PRDM5: variants seen among roughly 807,000 people sequenced by gnomAD.
PRDM5 encodes PR/SET domain 5.
In PRDM5, 56 loss-of-function variants were observed where a neutral mutation model predicts 81.2. That is an observed-to-expected ratio of 0.69 (90% confidence interval 0.56 to 0.86). PRDM5 has a LOEUF of 0.86. Ranked by LOEUF, PRDM5 falls within the 40% of genes least tolerant of loss-of-function variation. The pLI is 0.00. For missense variants in PRDM5, 697 were observed against 770.1 expected, an observed-to-expected ratio of 0.91 and a Z score of 1.12; for synonymous variants, 267 against 256.4, an observed-to-expected ratio of 1.04 and a Z score of -0.39.
chr4:120,773,661 C>T lies in PRDM5; in HGVS notation c.1537+3527G>A, dbSNP rs1747625514. ...ACACAACAATAAGCCTTTAAAAACA[C>T]TAGCCCTTTTTGAGTTTTAGTGTAG... is the stretch of plus-strand genomic sequence containing the variant. On this transcript the variant is annotated intron_variant, in intron 13 of 15. Coordinates refer to ENST00000264808, the MANE Select transcript of PRDM5 (RefSeq NM_018699.4). Among the ~76,000 whole-genome samples, 4 of 152,190 alleles carry T rather than the reference C, an allele frequency of 2.6e-5. No homozygotes were observed. The South Asian group carries it at 8.3e-4, about 31-fold the overall frequency.
At chr4:120,805,582 CA>C (rs1334919894) in intron 8 of PRDM5, among the ~76,000 whole-genome samples, 1 of 152,134 alleles carries the variant, frequency 6.6e-6, no homozygotes, top group Non-Finnish European at 1.5e-5. Context: ...AGTATATAAA[CA>C]GAATCAAAGA....
chr4:120,841,074 T>C (rs1205169858), intron 3 of PRDM5, among the ~76,000 whole-genome samples: 1 of 152,192 alleles, frequency 6.6e-6, no homozygotes, highest in East Asian at 1.9e-4. Context: ...CTACCTATCC[T>C]TGTGTTTTTT....
rs138978821 is a variant in PRDM5 at position 120,727,011 on chromosome 4, G to A, written c.1624-16598C>T. 6.6e-3 allele frequency among the ~76,000 whole-genome samples: 1,007 copies of A among 152,224 alleles called. 5 individuals carry two copies. Among genetic ancestry groups the A allele is most frequent in the Non-Finnish European group, 0.011 (720 of 68,008 alleles). On this transcript the variant is annotated intron_variant, in intron 14 of 15. Coordinates refer to ENST00000264808, the MANE Select transcript of PRDM5 (RefSeq NM_018699.4). The stretch of plus-strand genomic sequence containing the variant: ...ATATTTCTTGGTGATAAACTGTCCC[G>A]CATGTTAAAGACTATATTCTAGGTG...
intron 2 of PRDM5, among the ~76,000 whole-genome samples, chr4:120,889,652 G>A (rs368262632): frequency 1.0e-3 from 159 of 152,142 alleles, no homozygotes; most frequent in African/African-American, 3.4e-3. Context: ...TGTGTTACAC[G>A]GTTTGGTATA....
chr4:120,807,999 T>A (rs1753239592), intron 8 of PRDM5, among the ~76,000 whole-genome samples: 1 of 152,174 alleles, frequency 6.6e-6, no homozygotes, highest in Admixed American at 6.5e-5. Context: ...GGGTTCACGG[T>A]CTCACTGGCC....
At chr4:120,739,039 C>T (rs1004198711) in intron 14 of PRDM5, among the ~76,000 whole-genome samples, 2 of 152,158 alleles carry the variant, frequency 1.3e-5, no homozygotes, top group African/African-American at 4.8e-5. Flanking sequence ...GAAGGCTCAA[C>T]TAAGCTAGAA....
chr4:120,747,504 A>T (rs571116619), intron 14 of PRDM5, among the ~76,000 whole-genome samples: 110 of 152,232 alleles, frequency 7.2e-4, no homozygotes, highest in African/African-American at 2.6e-3. Context: ...ATCCTACATC[A>T]ATAGACCACC....
intron 14 of PRDM5, among the ~76,000 whole-genome samples, chr4:120,721,751 A>C (rs2149058919): frequency 6.6e-6 from 1 of 152,372 alleles, no homozygotes; most frequent in South Asian, 2.1e-4. Context: ...GGTAAAGGAT[A>C]GGTCGAGGTA....
rs561463416 is a variant in PRDM5, at chr4:120,730,757, T to C, written c.1624-20344A>G. Reference sequence around the variant, plus strand: ...TTAAAGTCTAAAGATAATACAGTGGTGGTGAAGCAACAATCAGCTTCAATG... The same window carrying C: ...TTAAAGTCTAAAGATAATACAGTGGCGGTGAAGCAACAATCAGCTTCAATG... On this transcript the variant is annotated intron_variant, in intron 14 of 15. Coordinates refer to ENST00000264808, the MANE Select transcript of PRDM5 (RefSeq NM_018699.4). 9.9e-5 allele frequency among the ~76,000 whole-genome samples: 15 copies of C among 151,916 alleles called. No homozygotes were observed. In the South Asian group the frequency reaches 1.5e-3, roughly 15 times the overall value.
intron 2 of PRDM5, among the ~76,000 whole-genome samples, chr4:120,893,458 TCC>T (rs1764280985): frequency 6.6e-6 from 1 of 152,138 alleles, no homozygotes; most frequent in South Asian, 2.1e-4. Flanking sequence ...TTTTGGCCCA[TCC>T]CCCAAGACTG....
At chr4:120,907,334 C>CAAA (rs61156380) in intron 2 of PRDM5, 140 bp downstream of exon 2, 232 of 574,720 alleles carry the variant, frequency 4.0e-4, no homozygotes, top group Non-Finnish European at 4.1e-4. Flanking sequence ...ATCTCCATCT[C>CAAA]AAAAAAAAAA....
intron 2 of PRDM5, among the ~76,000 whole-genome samples, chr4:120,898,014 G>C (rs1764839833): frequency 6.6e-6 from 1 of 152,126 alleles, no homozygotes; most frequent in Non-Finnish European, 1.5e-5. Flanking sequence ...TTTATAAAAT[G>C]CTGGATATTT....
At chr4:120,701,426 A>C (rs1022354670) in intron 15 of PRDM5, among the ~76,000 whole-genome samples, 1 of 152,212 alleles carries the variant, frequency 6.6e-6, no homozygotes, top group African/African-American at 2.4e-5. Flanking sequence ...ACATGGAATC[A>C]ACCTAGGTGC....
intron 8 of PRDM5, among the ~76,000 whole-genome samples, chr4:120,801,880 T>TACATA (rs1553972128): frequency 6.6e-6 from 1 of 151,748 alleles, no homozygotes; most frequent in East Asian, 1.9e-4. Context: ...GTTTCTGTAA[T>TACATA]ATATATAATT....
intron 1 of PRDM5, among the ~76,000 whole-genome samples, chr4:120,908,381 A>G (rs922073197): frequency 2.0e-5 from 3 of 152,344 alleles, no homozygotes; most frequent in African/African-American, 7.2e-5. Context: ...CCTGCCTATG[A>G]CTATTTTTCA....
intron 14 of PRDM5, among the ~76,000 whole-genome samples, chr4:120,716,841 T>G (rs1023467862): frequency 5.9e-5 from 9 of 152,074 alleles, no homozygotes. Context: ...GAGAACCAAA[T>G]AAACCAAAAT....
chr4:120,828,601 G>C (rs553104804), intron 3 of PRDM5, among the ~76,000 whole-genome samples: 2 of 151,816 alleles, frequency 1.3e-5, no homozygotes, highest in African/African-American at 4.8e-5. Context: ...TGCATTTATG[G>C]GCTGAAGGGA....
In PRDM5 at chr4:120,853,409, T is replaced by A. The variant is rs780641705; in HGVS notation, c.300+9A>T. 7 of 1,613,620 alleles carry A rather than the reference T, an allele frequency of 4.3e-6. No individual in the cohort carries two copies. Among genetic ancestry groups the A allele is most frequent in the Non-Finnish European group, 5.9e-6 (7 of 1,179,638 alleles). On this transcript the variant is annotated intron_variant, in intron 3 of 15. Coordinates refer to ENST00000264808, the MANE Select transcript of PRDM5 (RefSeq NM_018699.4). ...GTGCATAGTACAAATGAGAAGCAAATAAGCTCACTTGAATGGCAGCCAAGT... is the reference window on the plus strand; with the variant it reads ...GTGCATAGTACAAATGAGAAGCAAAAAAGCTCACTTGAATGGCAGCCAAGT...
chr4:120,806,732 A>T (rs1753024825), intron 8 of PRDM5, among the ~76,000 whole-genome samples: 1 of 152,202 alleles, frequency 6.6e-6, no homozygotes, highest in Non-Finnish European at 1.5e-5. Context: ...GTTAGACCTA[A>T]AACCATAAAA....
Sources: allele counts gnomAD v4.1 joint callset (sites outside exome capture counted in the v4.1 genomes callset), GRCh38; gene constraint gnomAD v4.1.1; transcripts MANE v1.5; gene names NCBI Gene and HGNC (gene_info 2026-07-23, HGNC 2026-07-21).